The following B3GALT1 variants were observed in gnomAD, a reference collection of about 807,000 sequenced individuals.
The protein encoded by B3GALT1 is UDP-Gal:betaGlcNAc beta 1,3-galactosyltransferase, polypeptide 1.
In B3GALT1, 10 loss-of-function variants were observed where a neutral mutation model predicts 23.2. That is an observed-to-expected ratio of 0.43 (90% CI 0.27 to 0.73). B3GALT1 has a LOEUF of 0.73. B3GALT1 is among the 30% of genes least tolerant of loss of function. The pLI, the probability that B3GALT1 is intolerant of heterozygous loss-of-function variation, is 0.21. For missense variants in B3GALT1, 299 were observed against 405.4 expected, an observed-to-expected ratio of 0.74 and a Z score of 2.25; for synonymous variants, 156 against 141.5, an observed-to-expected ratio of 1.10 and a Z score of -0.73.
intron 2 of B3GALT1, among the ~76,000 whole-genome samples, chr2:167,490,676 T>C (rs1699696017): frequency 6.6e-6 from 1 of 152,166 alleles, no homozygotes; most frequent in African/African-American, 2.4e-5. Context: ...GCTCCAGGGC[T>C]GAAGCCTTGG....
intron 3 of B3GALT1, among the ~76,000 whole-genome samples, chr2:167,768,902 T>C (rs1038117909): frequency 4.6e-5 from 7 of 152,212 alleles, no homozygotes; most frequent in Admixed American, 2.0e-4. Flanking sequence ...CCTAATGCCT[T>C]GTCCATAAAT....
At chr2:167,500,921 A>G (rs1178812073) in intron 2 of B3GALT1, among the ~76,000 whole-genome samples, 1 of 152,164 alleles carries the variant, frequency 6.6e-6, no homozygotes, top group Non-Finnish European at 1.5e-5. Context: ...TACTGATAGC[A>G]AGTCTACCAT....
At chr2:167,516,955 T>C (rs1700107855) in intron 2 of B3GALT1, among the ~76,000 whole-genome samples, 1 of 94,014 alleles carries the variant, frequency 1.1e-5, no homozygotes, top group African/African-American at 8.2e-5. Context: ...TGTGTGTATA[T>C]ATATATATAT....
At chr2:167,753,739 G>C (rs1040989083) in intron 3 of B3GALT1, among the ~76,000 whole-genome samples, 1 of 152,172 alleles carries the variant, frequency 6.6e-6, no homozygotes, top group Non-Finnish European at 1.5e-5. Context: ...CTACATTGCA[G>C]ACCTTTCATT....
At chr2:167,641,061 A>G (rs1296747254) in intron 2 of B3GALT1, among the ~76,000 whole-genome samples, 1 of 152,194 alleles carries the variant, frequency 6.6e-6, no homozygotes, top group Non-Finnish European at 1.5e-5. Context: ...TCCTACACCT[A>G]GTAAACAGTA....
chr2:167,657,145 G>C (rs535204670), intron 3 of B3GALT1, among the ~76,000 whole-genome samples: 28 of 152,294 alleles, frequency 1.8e-4, no homozygotes, highest in Non-Finnish European at 3.2e-4. Context: ...GATGTATCCA[G>C]TTTGAGAGCG....
intron 4 of B3GALT1, among the ~76,000 whole-genome samples, chr2:167,820,054 A>G (rs1423659335): frequency 3.9e-5 from 6 of 152,182 alleles, no homozygotes; most frequent in Non-Finnish European, 8.8e-5. Flanking sequence ...GATTATACTC[A>G]TAAGGATTCT....
intron 3 of B3GALT1, among the ~76,000 whole-genome samples, chr2:167,776,161 G>T (rs1255554883): frequency 6.6e-6 from 1 of 151,798 alleles, no homozygotes; most frequent in Non-Finnish European, 1.5e-5. Context: ...TGTAGACCTG[G>T]ATATGGTCTT....
intron 2 of B3GALT1, among the ~76,000 whole-genome samples, chr2:167,645,553 A>AT (rs1195110974): frequency 0.022 from 1,951 of 87,042 alleles, 259 homozygotes; most frequent in African/African-American, 0.058. Context: ...ACTGCCAATA[A>AT]TTTTTTTTTT....
chr2:167,499,649 A>G (rs1699825121), intron 2 of B3GALT1, among the ~76,000 whole-genome samples: 1 of 152,160 alleles, frequency 6.6e-6, no homozygotes, highest in African/African-American at 2.4e-5. Flanking sequence ...CTTAATTTTT[A>G]TAAGCACAGA....
intron 1 of B3GALT1, among the ~76,000 whole-genome samples, chr2:167,446,429 A>G (rs896282959): frequency 6.6e-6 from 1 of 152,166 alleles, no homozygotes; most frequent in African/African-American, 2.4e-5. Flanking sequence ...AAGTTGGGGA[A>G]GTTCTCCTGG....
intron 2 of B3GALT1, among the ~76,000 whole-genome samples, chr2:167,604,417 G>C (rs1041230567): frequency 5.9e-5 from 9 of 152,150 alleles, no homozygotes; most frequent in Non-Finnish European, 1.2e-4. Context: ...TGTGTATTTT[G>C]ATACTGTCAC....
At chr2:167,345,772 T>C (rs1449394123) in intron 1 of B3GALT1, among the ~76,000 whole-genome samples, 1 of 152,172 alleles carries the variant, frequency 6.6e-6, no homozygotes, top group Non-Finnish European at 1.5e-5. Context: ...TGGTAGATGA[T>C]TACTTAAGTG....
intron 1 of B3GALT1, among the ~76,000 whole-genome samples, chr2:167,485,067 T>C (rs1699605939): frequency 6.6e-6 from 1 of 152,118 alleles, no homozygotes; most frequent in African/African-American, 2.4e-5. Flanking sequence ...GTAAGGCATG[T>C]CCAACCCCCA....
At chr2:167,377,349 C>T (rs1697781632) in intron 1 of B3GALT1, among the ~76,000 whole-genome samples, 1 of 151,996 alleles carries the variant, frequency 6.6e-6, no homozygotes, top group South Asian at 2.1e-4. Flanking sequence ...CTGTTAAGTC[C>T]AGTTGGTCAG....
chr2:167,678,132 T>A (rs1686460882), intron 3 of B3GALT1, among the ~76,000 whole-genome samples: 2 of 152,348 alleles, frequency 1.3e-5, no homozygotes, highest in Middle Eastern at 3.4e-3. Flanking sequence ...ACCTTCTATC[T>A]GCTCTCTGGG....
At chr2:167,486,843 G>A (rs955127606) in intron 1 of B3GALT1, among the ~76,000 whole-genome samples, 4 of 151,758 alleles carry the variant, frequency 2.6e-5, no homozygotes, top group Admixed American at 6.6e-5. Context: ...AAGTGGGATT[G>A]GGAGAGTAGA....
At chr2:167,750,035 T>C (rs1442985460) in intron 3 of B3GALT1, among the ~76,000 whole-genome samples, 3 of 152,222 alleles carry the variant, frequency 2.0e-5, no homozygotes, top group Non-Finnish European at 2.9e-5. Context: ...CTTTGGCCAT[T>C]TTAAATTTTA....
At chr2:167,373,239 C>G (rs996223635) in intron 1 of B3GALT1, among the ~76,000 whole-genome samples, 1 of 151,824 alleles carries the variant, frequency 6.6e-6, no homozygotes, top group Non-Finnish European at 1.5e-5. Context: ...GGATTATAAA[C>G]CTAATTTTAA....
Sources: gnomAD v4.1 joint callset for allele counts (sites outside exome capture counted in the v4.1 genomes callset) on GRCh38, gnomAD v4.1.1 for gene constraint, MANE v1.5 for transcripts, NCBI Gene and HGNC (gene_info 2026-07-23, HGNC 2026-07-21) for gene names.